Variants in TAMM41 observed in about 807,000 individuals in gnomAD.
TAMM41 encodes TAM41 mitochondrial translocator assembly and maintenance homolog.
TAMM41 carries 36 observed loss-of-function variants against 44.1 expected under a neutral mutation model. The observed-to-expected ratio is 0.82, with a 90% CI of 0.63 to 1.08. The LOEUF (loss-of-function observed/expected upper bound fraction) is 1.08, where lower values mean the gene tolerates loss of function less well. Among genes scored for constraint, TAMM41 ranks in the 50% least tolerant of loss-of-function variants. The pLI is 0.00. For synonymous variants in TAMM41, 164 were observed against 153.1 expected (o/e 1.07, Z -0.53); for missense variants, 417 against 404.3 (o/e 1.03, Z -0.27).
the TAMM41 span, among the ~76,000 whole-genome samples, chr3:11,761,100 A>G: frequency 6.6e-6 from 1 of 151,488 alleles, no homozygotes; most frequent in Admixed American, 6.6e-5. Context: ...CCTGGGAGGC[A>G]GAGCTTGCAG....
At chr3:11,733,143 C>T in the TAMM41 span, among the ~76,000 whole-genome samples, 42 of 150,888 alleles carry the variant, frequency 2.8e-4, no homozygotes, top group African/African-American at 8.8e-4. Flanking sequence ...GGACTACAGG[C>T]GCCTGCCACC....
At chr3:11,805,955 T>C (rs1165145516) in intron 7 of TAMM41, among the ~76,000 whole-genome samples, 2 of 152,218 alleles carry the variant, frequency 1.3e-5, no homozygotes, top group African/African-American at 4.8e-5. Context: ...AGGTCTTTCC[T>C]GTGCTGTTTT....
the TAMM41 span, among the ~76,000 whole-genome samples, chr3:11,750,921 C>T: frequency 3.0e-4 from 46 of 152,196 alleles, no homozygotes; most frequent in East Asian, 5.8e-3. Flanking sequence ...CCTTCTCTCT[C>T]CCTTCTGGAG....
intron 3 of TAMM41, among the ~76,000 whole-genome samples, chr3:11,835,561 C>T (rs1297578539): frequency 1.3e-5 from 2 of 152,158 alleles, no homozygotes; most frequent in Non-Finnish European, 2.9e-5. Flanking sequence ...AAGGATATAA[C>T]AGTTAGATAA....
At position 11,817,281 on chromosome 3, in the gene TAMM41, G is replaced by C; in HGVS notation, c.619C>G (p.Pro207Ala). The change falls in exon 5 of 8, where the codon CCC (proline) becomes GCC (alanine). Residue 207 changes from proline to alanine, a missense_variant. Pro to Ala is a conservative substitution (Grantham distance 27). Transcript: ENST00000455809. Reference sequence around the variant, plus strand: ...AGCTCTCGAAAGTGGGCTATATTGGGCTTCACAATATTCAACACTTTTGTT... The same window carrying C: ...AGCTCTCGAAAGTGGGCTATATTGGCCTTCACAATATTCAACACTTTTGTT... The part of the protein sequence containing the change: ...DKTKVLNIVK[P>A]NIAHFRELYG... 6.2e-7 allele frequency: 1 copy of C among 1,613,300 alleles called. No homozygotes were observed. Among genetic ancestry groups the C allele is most frequent in the Non-Finnish European group, 8.5e-7 (1 of 1,179,336 alleles).
At chr3:11,729,539 A>ATTTTTT in the TAMM41 span, among the ~76,000 whole-genome samples, 78 of 32,292 alleles carry the variant, frequency 2.4e-3, 5 homozygotes, top group Admixed American at 4.1e-3. Flanking sequence ...TCTTTCTTTC[A>ATTTTTT]TTTTTTTTTT....
chr3:11,778,243 G>C, the TAMM41 span, among the ~76,000 whole-genome samples: 2 of 151,380 alleles, frequency 1.3e-5, no homozygotes, highest in Admixed American at 6.6e-5. Context: ...TTCCTTTTTA[G>C]AGACAGGGTC....
intron 2 of TAMM41, among the ~76,000 whole-genome samples, chr3:11,841,073 ATTTTTTTTTTT>A (rs141805597): frequency 6.0e-5 from 5 of 83,948 alleles, no homozygotes; most frequent in African/African-American, 2.2e-4. Flanking sequence ...GCCCATTTCT[ATTTTTTTTTTT>A]TTTTTTTTTT....
At chr3:11,802,109 T>C (rs1262135061) in intron 7 of TAMM41, among the ~76,000 whole-genome samples, 1 of 152,148 alleles carries the variant, frequency 6.6e-6, no homozygotes, top group Admixed American at 6.5e-5. Context: ...TCCCACCTAC[T>C]TGAAAGGCTG....
intron 1 of TAMM41, among the ~76,000 whole-genome samples, chr3:11,845,786 G>A (rs2125075876): frequency 6.6e-6 from 1 of 152,236 alleles, no homozygotes; most frequent in African/African-American, 2.4e-5. Context: ...CCTGCACACT[G>A]AATTCTGCAA....
At chr3:11,723,508 G>A in the TAMM41 span, among the ~76,000 whole-genome samples, 1 of 150,704 alleles carries the variant, frequency 6.6e-6, no homozygotes, top group African/African-American at 2.4e-5. Context: ...CTGAGTCCAG[G>A]AAGTTGAGGC....
chr3:11,794,301 T>A (rs2124917440), intron 7 of TAMM41, among the ~76,000 whole-genome samples: 1 of 152,256 alleles, frequency 6.6e-6, no homozygotes, highest in African/African-American at 2.4e-5. Context: ...CACGCCCGGC[T>A]AATTTTATTT....
the TAMM41 span, among the ~76,000 whole-genome samples, chr3:11,759,506 G>A: frequency 2.6e-5 from 4 of 151,880 alleles, no homozygotes; most frequent in Non-Finnish European, 5.9e-5. Flanking sequence ...ATGTCCTCAC[G>A]TGTAACACTG....
chr3:11,750,491 G>A, the TAMM41 span, among the ~76,000 whole-genome samples: 2 of 151,588 alleles, frequency 1.3e-5, no homozygotes, highest in Non-Finnish European at 2.9e-5. Flanking sequence ...ACATTTTTTT[G>A]TGGAGATAGG....
chr3:11,783,432 A>C, the TAMM41 span, among the ~76,000 whole-genome samples: 3 of 151,736 alleles, frequency 2.0e-5, no homozygotes, highest in Non-Finnish European at 4.4e-5. Context: ...TCCCAGGATC[A>C]CCTGGCTAAT....
intron 5 of TAMM41, among the ~76,000 whole-genome samples, chr3:11,814,539 C>T (rs1014728577): frequency 6.6e-6 from 1 of 151,664 alleles, no homozygotes; most frequent in Admixed American, 6.6e-5. Context: ...AAAGGTTAAA[C>T]CAGGAGGTCT....
chr3:11,746,611 A>G, the TAMM41 span, among the ~76,000 whole-genome samples: 1 of 151,116 alleles, frequency 6.6e-6, no homozygotes, highest in South Asian at 2.1e-4. Context: ...CATATATCAG[A>G]GGCTATATAT....
the TAMM41 span, among the ~76,000 whole-genome samples, chr3:11,758,686 G>A: frequency 6.7e-6 from 1 of 149,290 alleles, no homozygotes; most frequent in Non-Finnish European, 1.5e-5. Flanking sequence ...TTCTGTTTTT[G>A]TTTTTGAGAT....
the TAMM41 span, among the ~76,000 whole-genome samples, chr3:11,780,722 T>C: frequency 6.6e-6 from 1 of 152,346 alleles, no homozygotes; most frequent in East Asian, 1.9e-4. Flanking sequence ...ATAGTTACCC[T>C]ATAGTTACCC....
Sources: gnomAD v4.1 joint callset for allele counts (sites outside exome capture counted in the v4.1 genomes callset) on GRCh38, gnomAD v4.1.1 for gene constraint, MANE v1.5 for transcripts, NCBI Gene and HGNC (gene_info 2026-07-23, HGNC 2026-07-21) for gene names.